Variants in LRRC4C observed in about 807,000 individuals in gnomAD.
The protein encoded by LRRC4C is leucine-rich repeat-containing protein 4C.
In LRRC4C, 5 loss-of-function variants were observed where a neutral mutation model predicts 33.6. The observed-to-expected ratio is 0.15, with a 90% CI of 0.08 to 0.31. The LOEUF (loss-of-function observed/expected upper bound fraction) is 0.31. LRRC4C is among the 10% of genes least tolerant of loss of function. LRRC4C has a pLI of 1.00. For missense variants in LRRC4C, 560 were observed against 796.7 expected (o/e 0.70, Z 3.58); for synonymous variants, 329 against 302.0 (o/e 1.09, Z -0.93).
chr11:41,034,271 A>G (rs534814607), intron 1 of LRRC4C, among the ~76,000 whole-genome samples: 4 of 151,808 alleles, frequency 2.6e-5, no homozygotes, highest in Admixed American at 6.6e-5. Flanking sequence ...ACCCTCTGCC[A>G]TGTTATTATG....
At chr11:40,278,250 G>T (rs1377462486) in intron 4 of LRRC4C, among the ~76,000 whole-genome samples, 2 of 152,134 alleles carry the variant, frequency 1.3e-5, no homozygotes, top group East Asian at 3.9e-4. Flanking sequence ...CTATGAAGAA[G>T]AAAAAGATGT....
Position 40,901,999 on chromosome 11 carries a change from TACACACAC to T in LRRC4C, c.-407+31628_-407+31635del, listed in dbSNP as rs369525560. On this transcript the variant is annotated intron_variant, in intron 2 of 6. Transcript: ENST00000528697. Reference sequence around the variant, plus strand: ...AAGACAATCTCTCTCTCTCTCTCTCTACACACACACACACACACACACACACACACACA... The same window carrying T: ...AAGACAATCTCTCTCTCTCTCTCTCTACACACACACACACACACACACACA... Among the ~76,000 whole-genome samples the T allele has an allele frequency of 8.4e-3, 1,168 of 139,812 alleles. 17 individuals carry two copies. Among genetic ancestry groups the T allele is most frequent in the South Asian group, 0.031 (134 of 4,278 alleles). The allele number at this position is 139,812 out of a possible 152,430, so 91.7% of individuals were successfully genotyped here. A position where few individuals can be genotyped will look rare whatever the true frequency, so the allele number is the denominator to read the frequency against.
intron 3 of LRRC4C, among the ~76,000 whole-genome samples, chr11:40,636,748 C>T (rs1451034646): frequency 6.6e-6 from 1 of 152,132 alleles, no homozygotes; most frequent in Non-Finnish European, 1.5e-5. Context: ...GAGATCCTTC[C>T]TAACTCACTC....
At chr11:41,451,361 T>C (rs1254874432) in intron 1 of LRRC4C, among the ~76,000 whole-genome samples, 1 of 151,976 alleles carries the variant, frequency 6.6e-6, no homozygotes, top group Non-Finnish European at 1.5e-5. Context: ...TAGATATAGA[T>C]ATAGATATAG....
chr11:41,263,902 T>C (rs557512383), intron 1 of LRRC4C, among the ~76,000 whole-genome samples: 15 of 151,972 alleles, frequency 9.9e-5, no homozygotes, highest in Non-Finnish European at 2.2e-4. Context: ...AGACTTAAGA[T>C]TGGGGGAAGA....
chr11:40,126,401 A>G (rs1251611082), intron 6 of LRRC4C, among the ~76,000 whole-genome samples: 1 of 152,194 alleles, frequency 6.6e-6, no homozygotes, highest in African/African-American at 2.4e-5. Flanking sequence ...CTAGAAAAGT[A>G]AAACAACAAC....
chr11:40,548,519 G>A (rs1047376101), intron 3 of LRRC4C, among the ~76,000 whole-genome samples: 1 of 152,024 alleles, frequency 6.6e-6, no homozygotes, highest in African/African-American at 2.4e-5. Context: ...GTGACACCTT[G>A]ATTATTTCAA....
intron 1 of LRRC4C, among the ~76,000 whole-genome samples, chr11:41,138,922 T>C (rs1267073324): frequency 6.6e-6 from 1 of 152,200 alleles, no homozygotes; most frequent in East Asian, 1.9e-4. Context: ...AGAGAGAACT[T>C]TTAAACCCTA....
At chr11:40,948,374 TTTA>T (rs1338237561) in intron 1 of LRRC4C, among the ~76,000 whole-genome samples, 10 of 152,210 alleles carry the variant, frequency 6.6e-5, no homozygotes, top group East Asian at 1.9e-4. Context: ...CTTTTTCTTT[TTTA>T]TTATTATACT....
chr11:40,460,293 A>G (rs1952332164), intron 3 of LRRC4C, among the ~76,000 whole-genome samples: 1 of 152,076 alleles, frequency 6.6e-6, no homozygotes, highest in South Asian at 2.1e-4. Context: ...AAAGGAACGG[A>G]GGGATTTTAA....
At chr11:41,197,160 T>A (rs1946211949) in intron 1 of LRRC4C, among the ~76,000 whole-genome samples, 1 of 152,014 alleles carries the variant, frequency 6.6e-6, no homozygotes, top group Admixed American at 6.6e-5. Context: ...AAGAAAGGAT[T>A]TTTTGTTGTT....
At chr11:40,829,243 G>T (rs1425399569) in intron 2 of LRRC4C, among the ~76,000 whole-genome samples, 6 of 151,882 alleles carry the variant, frequency 4.0e-5, no homozygotes, top group African/African-American at 1.4e-4. Context: ...TTGAGGATGG[G>T]AAAAAAATTG....
intron 3 of LRRC4C, among the ~76,000 whole-genome samples, chr11:40,517,893 G>A (rs1378394337): frequency 2.6e-5 from 4 of 152,038 alleles, no homozygotes; most frequent in African/African-American, 9.7e-5. Context: ...AAACAGCATG[G>A]TACTGGTACC....
At chr11:40,636,626 G>T (rs1941766385) in intron 3 of LRRC4C, among the ~76,000 whole-genome samples, 1 of 152,008 alleles carries the variant, frequency 6.6e-6, no homozygotes, top group African/African-American at 2.4e-5. Flanking sequence ...TAGCATACCA[G>T]GCTTTCTTGA....
intron 1 of LRRC4C, among the ~76,000 whole-genome samples, chr11:41,255,231 T>C (rs1260576187): frequency 6.6e-6 from 1 of 152,038 alleles, no homozygotes; most frequent in Non-Finnish European, 1.5e-5. Flanking sequence ...TTTTCTGAAT[T>C]ATATTCCTCA....
chr11:40,849,930 T>C (rs1236960225), intron 2 of LRRC4C, among the ~76,000 whole-genome samples: 3 of 151,676 alleles, frequency 2.0e-5, no homozygotes, highest in African/African-American at 7.3e-5. Flanking sequence ...TGGCTGTTGA[T>C]ATTTCTGTAT....
intron 2 of LRRC4C, among the ~76,000 whole-genome samples, chr11:40,846,036 T>TC (rs981887831): frequency 1.5e-5 from 2 of 136,880 alleles, no homozygotes; most frequent in Non-Finnish European, 3.2e-5. Flanking sequence ...TTTTTTTTTT[T>TC]CTTGTAAATT....
intron 2 of LRRC4C, among the ~76,000 whole-genome samples, chr11:40,912,968 A>C (rs1956770450): frequency 6.6e-6 from 1 of 152,260 alleles, no homozygotes; most frequent in Non-Finnish European, 1.5e-5. Flanking sequence ...ACATAATGGT[A>C]AAGGGATCAA....
At chr11:40,547,682 A>C (rs1956978992) in intron 3 of LRRC4C, among the ~76,000 whole-genome samples, 1 of 152,112 alleles carries the variant, frequency 6.6e-6, no homozygotes, top group South Asian at 2.1e-4. Context: ...CAATGAACTT[A>C]AACACCCTAT....
Sources: gnomAD v4.1 joint callset for allele counts (sites outside exome capture counted in the v4.1 genomes callset) on GRCh38, gnomAD v4.1.1 for gene constraint, MANE v1.5 for transcripts, NCBI Gene and HGNC (gene_info 2026-07-23, HGNC 2026-07-21) for gene names.